The following COL24A1 variants were observed in gnomAD, a reference collection of about 807,000 sequenced individuals.
COL24A1 encodes collagen alpha-1(XXIV) chain.
COL24A1 carries 224 observed loss-of-function variants against 253.9 expected under a neutral mutation model. The ratio of observed to expected loss-of-function variants is 0.88; its 90% CI spans 0.79 to 0.99. The LOEUF is 0.99. Ranked by LOEUF, COL24A1 falls within the 50% of genes least tolerant of loss-of-function variation. The probability of loss-of-function intolerance (pLI) is 0.00; values close to 1 mark genes in which losing one functional copy is unlikely to be tolerated. For synonymous variants in COL24A1, 685 were observed against 673.7 expected, an observed-to-expected ratio of 1.02 and a Z score of -0.26; for missense variants, 2,131 against 2,068.5, an observed-to-expected ratio of 1.03 and a Z score of -0.59.
chr1:85,831,262 T>G (rs1014381541), intron 43 of COL24A1, among the ~76,000 whole-genome samples: 1 of 152,010 alleles, frequency 6.6e-6, no homozygotes, highest in African/African-American at 2.4e-5. Flanking sequence ...CAAACAGGAT[T>G]CAGGAAAGAA....
At chr1:85,984,304 A>C (rs1260993650) in intron 20 of COL24A1, among the ~76,000 whole-genome samples, 2 of 151,968 alleles carry the variant, frequency 1.3e-5, no homozygotes, top group East Asian at 3.9e-4. Flanking sequence ...CCTGAAGTAC[A>C]TATTTCTCAA....
intron 24 of COL24A1, among the ~76,000 whole-genome samples, chr1:85,948,054 G>A (rs2103261599): frequency 6.6e-6 from 1 of 152,188 alleles, no homozygotes; most frequent in South Asian, 2.1e-4. Flanking sequence ...ATTACTCCAT[G>A]AAGTCTCATG....
At chr1:85,862,889 C>T (rs903691658) in intron 37 of COL24A1, among the ~76,000 whole-genome samples, 1 of 152,152 alleles carries the variant, frequency 6.6e-6, no homozygotes, top group Non-Finnish European at 1.5e-5. Context: ...GGCATTGAAT[C>T]TATAAATTAC....
chr1:86,005,030 C>G (rs1695806841), intron 19 of COL24A1, among the ~76,000 whole-genome samples: 1 of 152,110 alleles, frequency 6.6e-6, no homozygotes, highest in South Asian at 2.1e-4. Flanking sequence ...GTTGTACTAC[C>G]AGATAAGCTA....
At chr1:85,737,622 G>A (rs543788468) in intron 57 of COL24A1, 117 bp from the exon 58 acceptor site, 10 of 663,288 alleles carry the variant, frequency 1.5e-5, no homozygotes, top group Middle Eastern at 8.1e-4. Flanking sequence ...GGAGTGCAGC[G>A]GTGCGATCTT....
intron 24 of COL24A1, among the ~76,000 whole-genome samples, chr1:85,952,489 T>C (rs72712775): frequency 0.12 from 17,652 of 152,258 alleles, 1,146 homozygotes; most frequent in South Asian, 0.23. Context: ...AGAGTAAGAG[T>C]TGAAGAAATC....
At chr1:85,945,018 T>TTTTTTTTTTTTTTTTTTTTTTTTTTTG (rs1689174688) in intron 24 of COL24A1, among the ~76,000 whole-genome samples, 2 of 86,852 alleles carry the variant, frequency 2.3e-5, no homozygotes, top group African/African-American at 4.3e-5. Context: ...TTTTTTTTTT[T>TTTTTTTTTTTTTTTTTTTTTTTTTTTG]TTTTTTTTTT....
chr1:86,054,570 T>A (rs912938742), intron 10 of COL24A1, among the ~76,000 whole-genome samples: 2 of 152,012 alleles, frequency 1.3e-5, no homozygotes, highest in African/African-American at 4.8e-5. Flanking sequence ...TCAGAGAGAT[T>A]CAAATCAAAA....
At chr1:85,858,059 A>G (rs1678658969) in intron 37 of COL24A1, among the ~76,000 whole-genome samples, 1 of 152,174 alleles carries the variant, frequency 6.6e-6, no homozygotes, top group African/African-American at 2.4e-5. Context: ...CCTCTAAAAT[A>G]TGTCTTGAAT....
chr1:85,784,034 C>T, intron 50 of COL24A1, 79 bp downstream of exon 50: 1 of 1,129,322 alleles, frequency 8.9e-7, no homozygotes, highest in East Asian at 2.4e-5. Context: ...TAAAAAAGCT[C>T]AAGTTACAGA....
intron 6 of COL24A1, among the ~76,000 whole-genome samples, chr1:86,091,798 G>C (rs1253470946): frequency 3.9e-5 from 6 of 152,096 alleles, no homozygotes; most frequent in Non-Finnish European, 5.9e-5. Context: ...TAAAATCTAT[G>C]AATTCTGTTT....
intron 3 of COL24A1, among the ~76,000 whole-genome samples, chr1:86,116,614 T>C (rs1014150164): frequency 6.6e-6 from 1 of 152,092 alleles, no homozygotes; most frequent in Non-Finnish European, 1.5e-5. Context: ...ATGAGTAAAT[T>C]ATGTTGAAAA....
intron 2 of COL24A1, among the ~76,000 whole-genome samples, 181 bp from the exon 3 acceptor site, chr1:86,126,395 A>C: frequency 6.6e-6 from 1 of 152,130 alleles, no homozygotes; most frequent in East Asian, 1.9e-4. Flanking sequence ...AAGACATTAT[A>C]CTCAATAATT....
At chr1:85,782,446 G>T (rs1669236267) in intron 51 of COL24A1, among the ~76,000 whole-genome samples, 1 of 152,136 alleles carries the variant, frequency 6.6e-6, no homozygotes, top group Admixed American at 6.6e-5. Flanking sequence ...ACAACGTGCA[G>T]GTTAGTTACA....
chr1:85,948,511 G>C (rs1179634749), intron 24 of COL24A1, among the ~76,000 whole-genome samples: 2 of 115,954 alleles, frequency 1.7e-5, no homozygotes, highest in Non-Finnish European at 3.3e-5. Flanking sequence ...GCGACAGAGC[G>C]AGACTCCGTC....
intron 37 of COL24A1, among the ~76,000 whole-genome samples, chr1:85,865,297 T>C (rs894103671): frequency 6.6e-6 from 1 of 152,184 alleles, no homozygotes; most frequent in Admixed American, 6.6e-5. Context: ...GGTGCCTGAT[T>C]AAGCAATAGT....
At chr1:85,799,071 C>G (rs1021467652) in intron 47 of COL24A1, among the ~76,000 whole-genome samples, 1 of 152,006 alleles carries the variant, frequency 6.6e-6, no homozygotes, top group African/African-American at 2.4e-5. Context: ...CCTCAAAACA[C>G]TCATTTTCAC....
At chr1:85,870,660 A>G (rs1381170505) in intron 35 of COL24A1, among the ~76,000 whole-genome samples, 27 of 152,224 alleles carry the variant, frequency 1.8e-4, no homozygotes, top group Admixed American at 1.8e-3. Flanking sequence ...GAGAACAAAG[A>G]CACAACACAC....
intron 3 of COL24A1, among the ~76,000 whole-genome samples, chr1:86,116,277 A>G (rs1200711175): frequency 6.6e-6 from 1 of 152,220 alleles, no homozygotes; most frequent in African/African-American, 2.4e-5. Context: ...CAGTAAAAAT[A>G]GTACACGATT....
Sources: allele counts gnomAD v4.1 joint callset (sites outside exome capture counted in the v4.1 genomes callset), GRCh38; gene constraint gnomAD v4.1.1; transcripts MANE v1.5; gene names NCBI Gene and HGNC (gene_info 2026-07-23, HGNC 2026-07-21).